The following TAF3 variants were observed in gnomAD, a reference collection of about 807,000 sequenced individuals.
TAF3 encodes the protein TATA-box binding protein associated factor 3.
Under a neutral mutation model 80.6 loss-of-function variants are expected in TAF3, and 7 were observed. The observed-to-expected ratio is 0.09, with a 90% confidence interval of 0.05 to 0.16. The LOEUF (loss-of-function observed/expected upper bound fraction) is 0.16, where lower values mean the gene tolerates loss of function less well. Among genes scored for constraint, TAF3 ranks in the 10% least tolerant of loss-of-function variants. The pLI is 1.00. For synonymous variants in TAF3, 444 were observed against 446.1 expected (o/e 1.00, Z 0.06); for missense variants, 921 against 1,140.2 (o/e 0.81, Z 2.77).
chr10:7,918,855 G>A (rs117028921), intron 2 of TAF3, among the ~76,000 whole-genome samples: 1,555 of 152,272 alleles, frequency 0.01, 14 homozygotes, highest in Non-Finnish European at 0.016. Flanking sequence ...TTTACTGCAA[G>A]GAGGGATAGC....
chr10:7,883,723 T>C lies in TAF3; in HGVS notation c.409+59163T>C, dbSNP rs866846357. Reference sequence around the variant, plus strand: ...AAGATTTTCCCCTCCTTCCCACTTATTTATTCATGTATTGATATCCGCAGA... The same window carrying C: ...AAGATTTTCCCCTCCTTCCCACTTACTTATTCATGTATTGATATCCGCAGA... On this transcript the variant is annotated intron_variant, in intron 2 of 6. Transcript: ENST00000344293. Among the ~76,000 whole-genome samples, 28 of 152,222 alleles carry C rather than the reference T, an allele frequency of 1.8e-4. 1 individual carries two copies. The highest frequency in any genetic ancestry group is 8.3e-4 in the South Asian group (4 of 4,822).
At chr10:7,972,304 C>T (rs1186219811) in intron 3 of TAF3, among the ~76,000 whole-genome samples, 1 of 152,084 alleles carries the variant, frequency 6.6e-6, no homozygotes, top group Admixed American at 6.5e-5. Context: ...ATTTTAATTT[C>T]GAAATTGTAC....
rs1025688471 is a variant in TAF3, at chr10:7,871,112, C to G, written c.409+46552C>G. On this transcript the variant is annotated intron_variant, in intron 2 of 6. Coordinates refer to ENST00000344293, the MANE Select transcript of TAF3 (RefSeq NM_031923.4). ...TAGTCAGTCGTTTAATATACTTGTT[C>G]TTAAACTTTATTAGTTCACTTAAAA... Among the ~76,000 whole-genome samples, 9 of 152,050 alleles carry G rather than the reference C, an allele frequency of 5.9e-5. 1 individual carries two copies. Among genetic ancestry groups the G allele is most frequent in the Non-Finnish European group, 1.3e-4 (9 of 67,998 alleles).
At chr10:7,963,673 G>A (rs1045544435) in intron 2 of TAF3, among the ~76,000 whole-genome samples, 1 of 152,056 alleles carries the variant, frequency 6.6e-6, no homozygotes, top group Admixed American at 6.6e-5. Context: ...GTCGGGGGCT[G>A]GGGGAGGGAT....
chr10:8,009,166 G>T lies in TAF3; in HGVS notation c.2404G>T (p.Ala802Ser), dbSNP rs376569744. ...GACCCCACCGCCGGCCCCCGCGCCCGCCCCCGGCCCCATGCTCGTCAGCCC... is the reference window on the plus strand; with the variant it reads ...GACCCCACCGCCGGCCCCCGCGCCCTCCCCCGGCCCCATGCTCGTCAGCCC... ...PKTPPPAPAP[A>S]PGPMLVSPAP... The change falls in exon 5 of 7, where the codon GCC becomes TCC. Residue 802 changes from alanine (A) to serine (S), a missense_variant. Ala to Ser is a moderately conservative substitution (Grantham distance 99, BLOSUM62 1). This residue lies in a region of TAF3 where 743 missense variants were observed against 821.0 expected (regional missense o/e 0.90). Transcript: ENST00000344293. The surrounding 1 kb of genome is among the most constrained non-coding windows in gnomAD (Gnocchi z 4.1). 3.9e-6 allele frequency: 6 copies of T among 1,535,028 alleles called. No homozygotes were observed. The East Asian group carries it at 1.5e-4, about 38-fold the overall frequency.
At chr10:7,916,755 T>C (rs535332931) in intron 2 of TAF3, among the ~76,000 whole-genome samples, 1 of 152,318 alleles carries the variant, frequency 6.6e-6, no homozygotes, top group South Asian at 2.1e-4. Flanking sequence ...ATGTGGATGG[T>C]TATATATCTT....
intron 2 of TAF3, among the ~76,000 whole-genome samples, chr10:7,842,152 T>TTTTTG (rs1836922063): frequency 6.1e-5 from 7 of 115,018 alleles, no homozygotes; most frequent in African/African-American, 2.0e-4. Flanking sequence ...ATTAATATTG[T>TTTTTG]TTTTTTTTTT....
At chr10:7,862,377 A>C (rs1430896128) in intron 2 of TAF3, among the ~76,000 whole-genome samples, 2 of 152,186 alleles carry the variant, frequency 1.3e-5, no homozygotes, top group African/African-American at 4.8e-5. Context: ...TTTTTGTTTC[A>C]GCAGGAAGTT....
intron 2 of TAF3, among the ~76,000 whole-genome samples, chr10:7,859,920 A>G (rs1246): frequency 0.049 from 7,404 of 152,260 alleles, 302 homozygotes; most frequent in Admixed American, 0.11. Flanking sequence ...CTCTCAATCC[A>G]TCTCATCCTA....
At chr10:7,945,186 G>A (rs1041224695) in intron 2 of TAF3, among the ~76,000 whole-genome samples, 1 of 152,192 alleles carries the variant, frequency 6.6e-6, no homozygotes, top group African/African-American at 2.4e-5. Context: ...CTGGATTGCA[G>A]TTTTTGGAGT....
intron 2 of TAF3, among the ~76,000 whole-genome samples, chr10:7,840,782 G>A (rs1836904607): frequency 6.6e-6 from 1 of 151,722 alleles, no homozygotes; most frequent in African/African-American, 2.4e-5. Context: ...TGTACTCATT[G>A]CCTTTTATTT....
At chr10:7,976,413 ATTTTTT>A (rs1220558314) in intron 3 of TAF3, among the ~76,000 whole-genome samples, 1 of 128,656 alleles carries the variant, frequency 7.8e-6, no homozygotes, top group Non-Finnish European at 1.7e-5. Context: ...TGACTGGCTA[ATTTTTT>A]TTTTTTTTTT....
chr10:7,843,588 A>T (rs1836940407), intron 2 of TAF3, among the ~76,000 whole-genome samples: 1 of 151,992 alleles, frequency 6.6e-6, no homozygotes, highest in Non-Finnish European at 1.5e-5. Context: ...ACCACAGGAA[A>T]AAAGTATAAT....
intron 2 of TAF3, among the ~76,000 whole-genome samples, chr10:7,855,811 G>T (rs1480557467): frequency 6.6e-6 from 1 of 152,048 alleles, no homozygotes; most frequent in African/African-American, 2.4e-5. Context: ...ACTGGGCGTG[G>T]TGGCTCACAC....
chr10:7,862,188 A>G (rs996436084), intron 2 of TAF3, among the ~76,000 whole-genome samples: 1 of 152,150 alleles, frequency 6.6e-6, no homozygotes, highest in African/African-American at 2.4e-5. Flanking sequence ...ATGTTCTTGA[A>G]CATAGTAATA....
At chr10:7,981,873 A>G (rs771470584) in intron 4 of TAF3, among the ~76,000 whole-genome samples, 10 of 152,238 alleles carry the variant, frequency 6.6e-5, no homozygotes, top group Non-Finnish European at 1.0e-4. Flanking sequence ...AATGAAAATG[A>G]GAGCTAAAGC....
intron 2 of TAF3, among the ~76,000 whole-genome samples, chr10:7,948,894 A>G (rs1838053243): frequency 6.6e-6 from 1 of 152,240 alleles, no homozygotes; most frequent in Non-Finnish European, 1.5e-5. Context: ...TGGTTTTGTT[A>G]AAATCTCCAG....
chr10:7,871,969 TCA>T (rs547185044), intron 2 of TAF3, among the ~76,000 whole-genome samples: 167 of 152,338 alleles, frequency 1.1e-3, no homozygotes, highest in African/African-American at 2.7e-3. Context: ...TTTCTGAAAT[TCA>T]CAGTTATTTC....
chr10:7,910,735 T>C (rs1588548618), intron 2 of TAF3, among the ~76,000 whole-genome samples: 2 of 152,202 alleles, frequency 1.3e-5, no homozygotes, highest in East Asian at 3.8e-4. Context: ...AAATTATTTT[T>C]TCAAGGATGT....
Sources: allele counts gnomAD v4.1 joint callset (sites outside exome capture counted in the v4.1 genomes callset), GRCh38; gene constraint gnomAD v4.1.1; regional missense constraint gnomAD v4.1.1; non-coding constraint Gnocchi (gnomAD v3.1); transcripts MANE v1.5; gene names NCBI Gene and HGNC (gene_info 2026-07-23, HGNC 2026-07-21).